The following PCDHA13 variants were observed in gnomAD, a reference collection of about 807,000 sequenced individuals.
PCDHA13 encodes protocadherin alpha-13.
PCDHA13 carries 54 observed loss-of-function variants against 64.8 expected under a neutral mutation model. That is an observed-to-expected ratio of 0.83 (90% CI 0.67 to 1.04). The LOEUF is 1.04. Ranked by LOEUF, PCDHA13 falls within the 50% of genes least tolerant of loss-of-function variation. The pLI, the probability that PCDHA13 is intolerant of heterozygous loss-of-function variation, is 0.00. For missense variants in PCDHA13, 1,248 were observed against 1,254.3 expected, an observed-to-expected ratio of 0.99 and a Z score of 0.08; for synonymous variants, 587 against 564.4, an observed-to-expected ratio of 1.04 and a Z score of -0.57.
chr5:140,887,101 C>CT (rs200717289), intron 1 of PCDHA13, among the ~76,000 whole-genome samples: 1,545 of 145,196 alleles, frequency 0.011, 15 homozygotes, highest in African/African-American at 0.022. Flanking sequence ...ATCTTTATCT[C>CT]TTTTTTTTTT....
chr5:141,001,842 A>G (rs574186951), intron 3 of PCDHA13, among the ~76,000 whole-genome samples: 108 of 152,288 alleles, frequency 7.1e-4, no homozygotes, highest in Non-Finnish European at 1.3e-3. Context: ...GGAGACAGAG[A>G]GAGAGGTTGA....
In PCDHA13 at chr5:140,890,236, T is replaced by C. The variant is rs79211810; in HGVS notation, c.2394+5574T>C. 1.2e-3 allele frequency among the ~76,000 whole-genome samples: 183 copies of C among 152,244 alleles called. 1 individual carries two copies. Among genetic ancestry groups the C allele is most frequent in the African/African-American group, 4.0e-3 (168 of 41,532 alleles). ...CCCAGAGACCTAGTTGTTAAGCATT[T>C]ACCAGTACACTACTGCACCTGATTG... On this transcript the variant is annotated intron_variant, in intron 1 of 3. Transcript: ENST00000289272.
At chr5:140,929,935 T>C (rs1253092331) in intron 1 of PCDHA13, 1 of 152,218 alleles carries the variant, frequency 6.6e-6, no homozygotes, top group Non-Finnish European at 1.5e-5. Context: ...CAGTGTATTC[T>C]CTAGCCTATA....
intron 1 of PCDHA13, among the ~76,000 whole-genome samples, chr5:140,941,231 C>CTTTCTTTCTTTCTT (rs1563186950): frequency 5.1e-5 from 7 of 136,876 alleles, no homozygotes; most frequent in East Asian, 2.1e-4. Context: ...TTCTTTCTTT[C>CTTTCTTTCTTTCTT]TTTCTTTCTT....
chr5:140,942,660 A>G (rs145204660), intron 1 of PCDHA13, among the ~76,000 whole-genome samples: 2 of 152,306 alleles, frequency 1.3e-5, no homozygotes, highest in East Asian at 1.9e-4. Context: ...CAGAAAAGCA[A>G]TAAGCACAAA....
At chr5:140,924,105 C>A (rs140580566) in intron 1 of PCDHA13, among the ~76,000 whole-genome samples, 5 of 152,144 alleles carry the variant, frequency 3.3e-5, no homozygotes, top group Admixed American at 2.6e-4. Flanking sequence ...ATTTTCATTC[C>A]AAAGCAGTTA....
intron 1 of PCDHA13, among the ~76,000 whole-genome samples, chr5:140,938,685 C>CTT (rs1554212299): frequency 6.6e-6 from 1 of 151,964 alleles, no homozygotes; most frequent in African/African-American, 2.4e-5. Context: ...ATTTTCTTTA[C>CTT]AGTTTTTAAA....
chr5:140,889,232 C>T (rs1365146997), intron 1 of PCDHA13, among the ~76,000 whole-genome samples: 6 of 151,736 alleles, frequency 4.0e-5, no homozygotes, highest in African/African-American at 1.4e-4. Context: ...TTGAAAACTT[C>T]CAGAAAATTT....
chr5:140,964,000 T>C (rs900134447), intron 1 of PCDHA13, among the ~76,000 whole-genome samples: 2 of 152,218 alleles, frequency 1.3e-5, no homozygotes, highest in African/African-American at 2.4e-5. Flanking sequence ...TACTGTGTTC[T>C]ACTTTTTAAT....
intron 1 of PCDHA13, among the ~76,000 whole-genome samples, chr5:140,935,364 G>A (rs1480423579): frequency 2.0e-5 from 3 of 152,008 alleles, no homozygotes; most frequent in African/African-American, 4.8e-5. Flanking sequence ...TTTCATTAAC[G>A]TCAACAGAAT....
chr5:140,903,859 T>C (rs2070674942), intron 1 of PCDHA13, among the ~76,000 whole-genome samples: 1 of 152,186 alleles, frequency 6.6e-6, no homozygotes, highest in Non-Finnish European at 1.5e-5. Context: ...ACAAATAATA[T>C]AGAGTAAAAT....
rs1009539034 is a variant in PCDHA13 at position 140,883,403 on chromosome 5, T to C, written c.1135T>C (p.Ser379Pro). The C allele has an allele frequency of 6.2e-7, 1 of 1,614,168 alleles. No individual in the cohort carries two copies. Among genetic ancestry groups the C allele is most frequent in the Non-Finnish European group, 8.5e-7 (1 of 1,180,040 alleles). The change falls in exon 1 of 4, where the codon TCT becomes CCT. Residue 379 changes from serine to proline, a missense_variant. Physicochemically the swap from Ser to Pro is moderately conservative, Grantham distance 74. Coordinates refer to ENST00000289272, the MANE Select transcript of PCDHA13 (RefSeq NM_018904.3). ...CCTAATCAGTGTGTCCGATCGTGAC[T>C]CTGGCTCAAATGGACAGGTCACCTG... The part of the protein sequence containing the change: ...IALISVSDRD[S>P]GSNGQVTCTL...
Position 140,941,473 on chromosome 5 carries a change from G to A in PCDHA13, c.2395-37476G>A, listed in dbSNP as rs192163900. Among the ~76,000 whole-genome samples, 149 of 151,018 alleles carry A rather than the reference G, an allele frequency of 9.9e-4. 1 individual carries two copies. Among genetic ancestry groups the A allele is most frequent in the African/African-American group, 3.5e-3 (143 of 41,138 alleles). Reference sequence around the variant, plus strand: ...TGGGATTACAGGCGCCCACCACCACGCCTGGCTAATTTTTTGTATTTTTAG... The same window carrying A: ...TGGGATTACAGGCGCCCACCACCACACCTGGCTAATTTTTTGTATTTTTAG... On this transcript the variant is annotated intron_variant, in intron 1 of 3. Coordinates refer to ENST00000289272, the MANE Select transcript of PCDHA13 (RefSeq NM_018904.3).
At chr5:140,891,232 C>T (rs1562856029) in intron 1 of PCDHA13, among the ~76,000 whole-genome samples, 1 of 151,946 alleles carries the variant, frequency 6.6e-6, no homozygotes, top group Non-Finnish European at 1.5e-5. Context: ...TCATCCTGTT[C>T]TGGATTCAGT....
At chr5:140,890,902 G>A (rs781819787) in intron 1 of PCDHA13, among the ~76,000 whole-genome samples, 16 of 152,080 alleles carry the variant, frequency 1.1e-4, no homozygotes, top group Non-Finnish European at 1.5e-4. Context: ...GTCTTTCCAT[G>A]TTAGAATAAT....
intron 3 of PCDHA13, among the ~76,000 whole-genome samples, chr5:140,997,321 T>C (rs964967011): frequency 1.3e-5 from 2 of 152,174 alleles, no homozygotes; most frequent in Non-Finnish European, 2.9e-5. Flanking sequence ...CTTTAGGCAG[T>C]TTTTTCGTTG....
At chr5:141,002,456 A>G (rs2098081347) in intron 3 of PCDHA13, among the ~76,000 whole-genome samples, 1 of 152,242 alleles carries the variant, frequency 6.6e-6, no homozygotes, top group Non-Finnish European at 1.5e-5. Context: ...GCACATTTGT[A>G]TAACGCTTTA....
chr5:140,893,432 C>T (rs1280374649), intron 1 of PCDHA13, among the ~76,000 whole-genome samples: 5 of 151,946 alleles, frequency 3.3e-5, no homozygotes, highest in Non-Finnish European at 7.4e-5. Flanking sequence ...GCAGGAAGAT[C>T]GCTTGAAGCC....
chr5:140,891,921 C>G (rs1405172226), intron 1 of PCDHA13, among the ~76,000 whole-genome samples: 1 of 152,234 alleles, frequency 6.6e-6, no homozygotes, highest in African/African-American at 2.4e-5. Flanking sequence ...ATGCTGGTGC[C>G]TTGATCTTGG....
Sources: gnomAD v4.1 joint callset for allele counts (sites outside exome capture counted in the v4.1 genomes callset) on GRCh38, gnomAD v4.1.1 for gene constraint, MANE v1.5 for transcripts, NCBI Gene and HGNC (gene_info 2026-07-23, HGNC 2026-07-21) for gene names.